Variants in PLCB1 observed in about 807,000 individuals in gnomAD.
PLCB1 encodes the protein 1-phosphatidylinositol 4,5-bisphosphate phosphodiesterase beta-1.
PLCB1 carries 46 observed loss-of-function variants against 161.8 expected under a neutral mutation model. The ratio of observed to expected loss-of-function variants is 0.28; its 90% confidence interval spans 0.22 to 0.36. PLCB1 has a LOEUF of 0.36. Ranked by LOEUF, PLCB1 falls within the 10% of genes least tolerant of loss-of-function variation. The pLI is 1.00. For missense variants in PLCB1, 1,016 were observed against 1,472.5 expected (o/e 0.69, Z 5.07); for synonymous variants, 517 against 503.7 (o/e 1.03, Z -0.35).
intron 3 of PLCB1, among the ~76,000 whole-genome samples, chr20:8,627,333 TA>T (rs1988382692): frequency 6.6e-6 from 1 of 152,154 alleles, no homozygotes; most frequent in Admixed American, 6.6e-5. Context: ...AGATTTTTTT[TA>T]AACATCTACT....
chr20:8,835,652 A>G (rs937716888), intron 31 of PLCB1, among the ~76,000 whole-genome samples: 1 of 152,068 alleles, frequency 6.6e-6, no homozygotes, highest in African/African-American at 2.4e-5. Context: ...ATGACAATGC[A>G]TATACATGTA....
In PLCB1 at chr20:8,549,628, C is replaced by T. The variant is rs560791615; in HGVS notation, c.247-78666C>T. On this transcript the variant is annotated intron_variant, in intron 3 of 31. Transcript: ENST00000338037. The stretch of plus-strand genomic sequence containing the variant: ...TTTTGTTTTTTGAGACAGAGTCTCC[C>T]CTGTCACCCAGGCTGGAGTGCAGTG... 3.3e-5 allele frequency among the ~76,000 whole-genome samples: 5 copies of T among 152,110 alleles called. No individual in the cohort carries two copies. The East Asian group carries it at 7.7e-4, about 23-fold the overall frequency.
rs184670306 is a variant in PLCB1 at position 8,394,287 on chromosome 20, G to T, written c.246+22837G>T. Among the ~76,000 whole-genome samples, 36 of 152,214 alleles carry T rather than the reference G, an allele frequency of 2.4e-4. 1 individual carries two copies. In the East Asian group the frequency reaches 6.6e-3, roughly 28 times the overall value. On this transcript the variant is annotated intron_variant, in intron 3 of 31. Coordinates refer to ENST00000338037, the MANE Select transcript of PLCB1 (RefSeq NM_015192.4). Reference sequence around the variant, plus strand: ...TTGGTACTACTTGGCCTTTGTGGAAGGATTTTAAGTCAAGGTAAACCTTGA... The same window carrying T: ...TTGGTACTACTTGGCCTTTGTGGAATGATTTTAAGTCAAGGTAAACCTTGA...
At chr20:8,395,955 A>G (rs1268676860) in intron 3 of PLCB1, among the ~76,000 whole-genome samples, 1 of 152,098 alleles carries the variant, frequency 6.6e-6, no homozygotes, top group Non-Finnish European at 1.5e-5. Flanking sequence ...GTAAATGCTT[A>G]CAACTCTTCC....
intron 3 of PLCB1, among the ~76,000 whole-genome samples, chr20:8,435,310 G>A (rs1377012126): frequency 1.3e-5 from 2 of 152,166 alleles, no homozygotes; most frequent in African/African-American, 2.4e-5. Context: ...CCCATTAAGT[G>A]TGGGCAAAAC....
chr20:8,731,915 A>G (rs1980270802), intron 18 of PLCB1, among the ~76,000 whole-genome samples: 1 of 152,044 alleles, frequency 6.6e-6, no homozygotes, highest in Non-Finnish European at 1.5e-5. Context: ...TTTCTGCTCT[A>G]AAAATGATTT....
At chr20:8,632,046 T>TCG (rs1247240611) in intron 4 of PLCB1, among the ~76,000 whole-genome samples, 1 of 102,584 alleles carries the variant, frequency 9.7e-6, no homozygotes, top group Admixed American at 1.0e-4. Context: ...TTTTTTTTTT[T>TCG]TTTTTTTTTT....
At chr20:8,864,118 C>G (rs1238261147) in intron 31 of PLCB1, among the ~76,000 whole-genome samples, 1 of 152,112 alleles carries the variant, frequency 6.6e-6, no homozygotes, top group Non-Finnish European at 1.5e-5. Flanking sequence ...TATTTTTCCT[C>G]TTTTAGTTAT....
chr20:8,136,364 A>C (rs4813851), intron 1 of PLCB1, among the ~76,000 whole-genome samples: 23,722 of 152,132 alleles, frequency 0.16, 2,365 homozygotes, highest in Admixed American at 0.24. Context: ...CGGTGGCTCA[A>C]GCCTGTAATC....
chr20:8,346,267 T>A (rs975153350), intron 2 of PLCB1, among the ~76,000 whole-genome samples: 1 of 152,184 alleles, frequency 6.6e-6, no homozygotes, highest in Non-Finnish European at 1.5e-5. Context: ...CCTGTACAAC[T>A]CAATCCTTTG....
intron 3 of PLCB1, among the ~76,000 whole-genome samples, chr20:8,407,674 C>A (rs897790289): frequency 6.6e-5 from 10 of 152,132 alleles, no homozygotes; most frequent in African/African-American, 2.4e-4. Context: ...CTGAGAGATA[C>A]AAATCAGGTT....
intron 3 of PLCB1, among the ~76,000 whole-genome samples, chr20:8,565,030 A>G (rs1431284673): frequency 6.6e-6 from 1 of 152,192 alleles, no homozygotes; most frequent in Admixed American, 6.5e-5. Context: ...ATAAAGACAC[A>G]TGCACATGTA....
intron 4 of PLCB1, among the ~76,000 whole-genome samples, chr20:8,641,434 T>C (rs1988953439): frequency 6.6e-6 from 1 of 152,202 alleles, no homozygotes; most frequent in Non-Finnish European, 1.5e-5. Flanking sequence ...TTACCTATTT[T>C]ATAAAAAAGA....
intron 12 of PLCB1, 151 bp from the exon 13 acceptor site, chr20:8,716,108 ATAAGT>A (rs1438539743): frequency 2.7e-5 from 17 of 626,116 alleles, no homozygotes; most frequent in Non-Finnish European, 3.8e-5. Context: ...TCAAATTCAC[ATAAGT>A]TAAGATAAAG....
Position 8,554,499 on chromosome 20 carries a change from A to T in PLCB1, c.247-73795A>T, listed in dbSNP as rs553348686. ...TTATAGTGTTTTTGAAGAGAGCTGAAGAGACACAAAATGGACCATACTCTA... is the reference window on the plus strand; with the variant it reads ...TTATAGTGTTTTTGAAGAGAGCTGATGAGACACAAAATGGACCATACTCTA... On this transcript the variant is annotated intron_variant, in intron 3 of 31. Transcript: ENST00000338037. Among the ~76,000 whole-genome samples, 3 of 152,300 alleles carry T rather than the reference A, an allele frequency of 2.0e-5. No homozygotes were observed. In the East Asian group the frequency reaches 5.8e-4, roughly 29 times the overall value.
chr20:8,256,784 C>CT (rs1981443074), intron 2 of PLCB1: 1 of 152,088 alleles, frequency 6.6e-6, no homozygotes, highest in Non-Finnish European at 1.5e-5. Context: ...CTCTTTCCTG[C>CT]TTCTGGCTGA....
chr20:8,828,033 A>T (rs1366776434), intron 31 of PLCB1, among the ~76,000 whole-genome samples: 1 of 152,226 alleles, frequency 6.6e-6, no homozygotes, highest in Non-Finnish European at 1.5e-5. Context: ...GTAGTATCAC[A>T]CATTACCGTC....
intron 2 of PLCB1, among the ~76,000 whole-genome samples, chr20:8,250,203 A>C (rs1201085718): frequency 6.6e-6 from 1 of 151,932 alleles, no homozygotes; most frequent in Admixed American, 6.6e-5. Context: ...TATCTGTGAA[A>C]ATCTGACATT....
At chr20:8,223,761 A>G (rs1979535906) in intron 2 of PLCB1, among the ~76,000 whole-genome samples, 1 of 152,168 alleles carries the variant, frequency 6.6e-6, no homozygotes, top group Non-Finnish European at 1.5e-5. Flanking sequence ...TTAAGGAAGC[A>G]TATAGTTAAT....
Sources: allele counts gnomAD v4.1 joint callset (sites outside exome capture counted in the v4.1 genomes callset), GRCh38; gene constraint gnomAD v4.1.1; transcripts MANE v1.5; gene names NCBI Gene and HGNC (gene_info 2026-07-23, HGNC 2026-07-21).